Variants in GRID2 observed in about 807,000 individuals in gnomAD.
The protein encoded by GRID2 is glutamate ionotropic receptor delta type subunit 2.
In GRID2, 33 loss-of-function variants were observed where a neutral mutation model predicts 114.8. The observed-to-expected ratio is 0.29, with a 90% CI of 0.22 to 0.38. The LOEUF (loss-of-function observed/expected upper bound fraction) is 0.38, where lower values mean the gene tolerates loss of function less well. GRID2 is among the 10% of genes least tolerant of loss of function. The pLI is 1.00. For synonymous variants in GRID2, 505 were observed against 449.9 expected (o/e 1.12, Z -1.55); for missense variants, 1,184 against 1,257.7 (o/e 0.94, Z 0.89).
At chr4:93,608,225 C>G (rs1191920500) in intron 13 of GRID2, among the ~76,000 whole-genome samples, 1 of 149,066 alleles carries the variant, frequency 6.7e-6, no homozygotes, top group African/African-American at 2.5e-5. Context: ...ATATGCTCCC[C>G]TGGTTTTTCT....
intron 1 of GRID2, among the ~76,000 whole-genome samples, chr4:92,433,183 C>T (rs765466156): frequency 5.3e-5 from 8 of 152,094 alleles, no homozygotes; most frequent in Non-Finnish European, 1.0e-4. Context: ...AGGAGACTCT[C>T]CCAGAGCTGC....
intron 8 of GRID2, among the ~76,000 whole-genome samples, chr4:93,313,757 G>A (rs1192534537): frequency 1.3e-5 from 2 of 152,106 alleles, no homozygotes; most frequent in Non-Finnish European, 2.9e-5. Context: ...TATCCTCAAA[G>A]CTATTATGCA....
intron 1 of GRID2, among the ~76,000 whole-genome samples, chr4:93,793,257 G>C (rs1304094470): frequency 6.6e-6 from 1 of 152,132 alleles, no homozygotes; most frequent in Non-Finnish European, 1.5e-5. Flanking sequence ...AGCTGTGTAA[G>C]AAAATGTCTA....
At chr4:92,376,053 T>A (rs1433583837) in intron 1 of GRID2, among the ~76,000 whole-genome samples, 1 of 152,074 alleles carries the variant, frequency 6.6e-6, no homozygotes, top group Non-Finnish European at 1.5e-5. Flanking sequence ...TAAGGAAGTA[T>A]TATTGGATTA....
chr4:93,483,308 C>A (rs952716696), intron 11 of GRID2, among the ~76,000 whole-genome samples: 1 of 151,806 alleles, frequency 6.6e-6, no homozygotes, highest in Non-Finnish European at 1.5e-5. Flanking sequence ...TTGTTAGTAA[C>A]CTGTTTCCAA....
In GRID2 at chr4:93,729,150, C is replaced by T. The variant is rs192321904; in HGVS notation, c.2361-40060C>T. ...TGACCTCATGATCCGCCCACCTTGG[C>T]CTCCCAAAGTGCTGGGATTATTCAT... is the stretch of plus-strand genomic sequence containing the variant. On this transcript the variant is annotated intron_variant, in intron 14 of 15. Transcript: ENST00000282020. 7.7e-3 allele frequency among the ~76,000 whole-genome samples: 1,175 copies of T among 152,224 alleles called. 10 individuals carry two copies. Among genetic ancestry groups the T allele is most frequent in the Non-Finnish European group, 0.012 (840 of 68,010 alleles).
intron 14 of GRID2, among the ~76,000 whole-genome samples, chr4:93,697,865 G>GTATATATATATATATATA (rs574552355): frequency 0.011 from 839 of 74,816 alleles, 29 homozygotes; most frequent in African/African-American, 0.029. Context: ...ATTCCACAAT[G>GTATATATATATATATATA]TGTGTATATA....
chr4:93,508,280 C>T (rs1432564636), intron 12 of GRID2, among the ~76,000 whole-genome samples: 1 of 151,148 alleles, frequency 6.6e-6, no homozygotes, highest in East Asian at 1.9e-4. Context: ...TCACTGCAAC[C>T]TCTGCCTCCG....
At chr4:92,423,914 T>C (rs993465258) in intron 1 of GRID2, among the ~76,000 whole-genome samples, 2 of 152,024 alleles carry the variant, frequency 1.3e-5, no homozygotes, top group Non-Finnish European at 2.9e-5. Flanking sequence ...TATTCATAAA[T>C]TAAAAAATAA....
chr4:92,411,647 G>GTATATATATATA (rs1240876484), intron 1 of GRID2, among the ~76,000 whole-genome samples: 44 of 87,238 alleles, frequency 5.0e-4, no homozygotes, highest in South Asian at 1.9e-3. Context: ...GTGTGTGTGT[G>GTATATATATATA]TGTGTGTGTA....
intron 1 of GRID2, among the ~76,000 whole-genome samples, chr4:92,475,990 A>G (rs946076147): frequency 6.6e-6 from 1 of 151,058 alleles, no homozygotes; most frequent in Admixed American, 6.6e-5. Context: ...GTTAGTGTAT[A>G]GAAATGCTAC....
Position 93,170,697 on chromosome 4 carries a change from A to C in GRID2, c.736-36707A>C, listed in dbSNP as rs190144833. ...CCCAGAAAGAGGATCTGATTGGCGC[A>C]GCTTTGGGTAACTGTTTCCAGCATA... On this transcript the variant is annotated intron_variant, in intron 4 of 15. Coordinates refer to ENST00000282020, the MANE Select transcript of GRID2 (RefSeq NM_001510.4). 1.1e-4 allele frequency among the ~76,000 whole-genome samples: 17 copies of C among 152,272 alleles called. No individual in the cohort carries two copies. The East Asian group carries it at 2.9e-3, about 26-fold the overall frequency.
At chr4:93,451,452 A>C (rs1207537437) in intron 10 of GRID2, among the ~76,000 whole-genome samples, 1 of 152,144 alleles carries the variant, frequency 6.6e-6, no homozygotes, top group Non-Finnish European at 1.5e-5. Context: ...AAGACCATGC[A>C]TCAGGAAGAA....
At chr4:93,316,322 AAGAAAG>A (rs1404321504) in intron 8 of GRID2, among the ~76,000 whole-genome samples, 1 of 51,850 alleles carries the variant, frequency 1.9e-5, no homozygotes, top group African/African-American at 9.0e-5. Flanking sequence ...GAAAGAAAGA[AAGAAAG>A]AAAGAAAGAA....
intron 3 of GRID2, 65 bp downstream of exon 3, chr4:93,085,344 A>G: frequency 7.9e-7 from 1 of 1,272,172 alleles, no homozygotes; most frequent in Non-Finnish European, 1.1e-6. Context: ...AATTCATTAA[A>G]TCTTAAAAGT....
intron 13 of GRID2, among the ~76,000 whole-genome samples, chr4:93,582,547 T>A (rs146750601): frequency 2.2e-4 from 34 of 152,260 alleles, no homozygotes; most frequent in Non-Finnish European, 2.4e-4. Context: ...AGACGTTGCT[T>A]TAGTTTTACA....
intron 2 of GRID2, among the ~76,000 whole-genome samples, chr4:92,709,589 A>AAAAAATATATAT (rs779775767): frequency 9.6e-5 from 11 of 114,658 alleles, no homozygotes; most frequent in South Asian, 3.2e-4. Flanking sequence ...AAAAAAAAAA[A>AAAAAATATATAT]ATATATATAT....
intron 2 of GRID2, among the ~76,000 whole-genome samples, chr4:92,747,613 A>C (rs2149335997): frequency 6.6e-6 from 1 of 152,226 alleles, no homozygotes; most frequent in Non-Finnish European, 1.5e-5. Flanking sequence ...TTACTTTTTC[A>C]ATTACACTTT....
chr4:93,088,693 G>C lies in GRID2; in HGVS notation c.529+3414G>C, dbSNP rs544990175. 2.1e-4 allele frequency among the ~76,000 whole-genome samples: 32 copies of C among 152,152 alleles called. No individual in the cohort carries two copies. In the Middle Eastern group the frequency reaches 0.01, roughly 49 times the overall value. ...TTAAGATATTAAAAATAATATCTCT[G>C]AGCATTTTAATTTGTCAGACACTAG... On this transcript the variant is annotated intron_variant, in intron 3 of 15. Transcript: ENST00000282020.
Sources: allele counts gnomAD v4.1 joint callset (sites outside exome capture counted in the v4.1 genomes callset), GRCh38; gene constraint gnomAD v4.1.1; transcripts MANE v1.5; gene names NCBI Gene and HGNC (gene_info 2026-07-23, HGNC 2026-07-21).